The following CCNH variants were observed in gnomAD, a reference collection of about 807,000 sequenced individuals.
CCNH encodes the protein cyclin H, also known as cyclin-H.
A neutral mutation model predicts 41.9 loss-of-function variants in CCNH; 31 were observed. The ratio of observed to expected loss-of-function variants is 0.74; its 90% CI spans 0.56 to 1.00. The LOEUF (loss-of-function observed/expected upper bound fraction) is 1.00, where lower values mean the gene tolerates loss of function less well. Ranked by LOEUF, CCNH falls within the 50% of genes least tolerant of loss-of-function variation. The probability of loss-of-function intolerance (pLI) is 0.00; values close to 1 mark genes in which losing one functional copy is unlikely to be tolerated. For missense variants in CCNH, 362 were observed against 388.4 expected (o/e 0.93, Z 0.57); for synonymous variants, 138 against 136.1 (o/e 1.01, Z -0.10).
intron 9 of CCNH, among the ~76,000 whole-genome samples, chr5:87,325,204 C>T (rs145577516): frequency 1.3e-5 from 2 of 152,086 alleles, no homozygotes; most frequent in Non-Finnish European, 2.9e-5. Flanking sequence ...CATTAGATCT[C>T]GTGAGAACTC....
downstream of CCNH, among the ~76,000 whole-genome samples, chr5:87,318,043 G>C (rs542712020): frequency 3.4e-3 from 514 of 152,076 alleles, 2 homozygotes; most frequent in Admixed American, 4.8e-3. Flanking sequence ...GTTTTCTAAA[G>C]GATATTTAGA....
rs953589878 is a variant in CCNH at position 87,394,326 on chromosome 5, CA to C, written c.*119del. 5.8e-6 allele frequency: 8 copies of C among 1,383,598 alleles called. 1 individual carries two copies. In the Admixed American group the frequency reaches 1.1e-4, roughly 19 times the overall value. The allele number at this position is 1,383,598 out of a possible 1,614,324, so 85.7% of individuals were successfully genotyped here. Reference sequence around the variant, plus strand: ...AAGTTACTGTGAAAGGGAAAGAAAACAATAGAAAAGTTTTAATATATTTTAT... The same window carrying C: ...AAGTTACTGTGAAAGGGAAAGAAAACATAGAAAAGTTTTAATATATTTTAT... On this transcript the variant is annotated 3_prime_UTR_variant, in exon 9 of 9. Coordinates refer to ENST00000256897, the MANE Select transcript of CCNH (RefSeq NM_001239.4).
downstream of CCNH, among the ~76,000 whole-genome samples, chr5:87,387,883 TTTACTATA>T (rs1390261256): frequency 6.6e-6 from 1 of 152,170 alleles, no homozygotes; most frequent in East Asian, 1.9e-4. Context: ...GGAAAATATT[TTTACTATA>T]ATGTTTAAGG....
downstream of CCNH, among the ~76,000 whole-genome samples, chr5:87,386,498 T>C (rs1762069901): frequency 6.6e-6 from 1 of 152,086 alleles, no homozygotes; most frequent in South Asian, 2.1e-4. Flanking sequence ...ATAAACAATT[T>C]GTGTCTGCCA....
chr5:87,333,174 G>T (rs994131267), intron 9 of CCNH: 1 of 1,524,336 alleles, frequency 6.6e-7, no homozygotes, highest in Admixed American at 2.1e-5. Context: ...AGTTTCTAAT[G>T]TGAATTTTTA....
chr5:87,386,685 C>A, downstream of CCNH: 2 of 695,246 alleles, frequency 2.9e-6, no homozygotes, highest in South Asian at 3.1e-5. Context: ...AGTATTGCTA[C>A]ATGTATGGGT....
chr5:87,399,024 G>A (rs1414808503), intron 7 of CCNH, among the ~76,000 whole-genome samples: 1 of 150,832 alleles, frequency 6.6e-6, no homozygotes, highest in Non-Finnish European at 1.5e-5. Flanking sequence ...CTAGCTAACA[G>A]AAGTCTGGAA....
chr5:87,345,072 CAA>C (rs1402408400), intron 9 of CCNH, among the ~76,000 whole-genome samples: 1 of 152,032 alleles, frequency 6.6e-6, no homozygotes, highest in Non-Finnish European at 1.5e-5. Flanking sequence ...CTCTTGGGCT[CAA>C]GAGATCCTCC....
downstream of CCNH, chr5:87,372,105 T>C (rs755526925): frequency 6.2e-7 from 1 of 1,611,980 alleles, no homozygotes; most frequent in South Asian, 1.1e-5. Context: ...TGAAGTGCTG[T>C]TTTTCTTTGC....
chr5:87,344,460 T>C lies in CCNH; in HGVS notation c.*91-25563A>G, dbSNP rs187387120. 3.8e-3 allele frequency among the ~76,000 whole-genome samples: 583 copies of C among 152,254 alleles called. 2 individuals carry two copies. Among genetic ancestry groups the C allele is most frequent in the African/African-American group, 0.013 (548 of 41,548 alleles). Reference sequence around the variant, plus strand: ...TGTCGTTTACTACTCCTAGCACTTATCATCTGTAGTTTCCTAATCTCCAGC... The same window carrying C: ...TGTCGTTTACTACTCCTAGCACTTACCATCTGTAGTTTCCTAATCTCCAGC... On this transcript the variant is annotated intron_variant and NMD_transcript_variant, in intron 9 of 9. Coordinates refer to the CCNH transcript ENST00000645953.
intron 3 of CCNH, 69 bp from the exon 4 acceptor site, chr5:87,408,255 G>C: frequency 1.4e-6 from 1 of 699,130 alleles, no homozygotes; most frequent in South Asian, 2.2e-5. Flanking sequence ...TATACTTTGA[G>C]AAGTATCTAA....
At chr5:87,333,962 T>A (rs1247963486) in intron 9 of CCNH, among the ~76,000 whole-genome samples, 1 of 152,176 alleles carries the variant, frequency 6.6e-6, no homozygotes, top group African/African-American at 2.4e-5. Flanking sequence ...ATTACAAATT[T>A]ATGAATTTAG....
At chr5:87,328,731 AG>A (rs1297530063) in intron 9 of CCNH, among the ~76,000 whole-genome samples, 2 of 152,162 alleles carry the variant, frequency 1.3e-5, no homozygotes, top group East Asian at 3.9e-4. Flanking sequence ...ATCTCTCAGT[AG>A]GGTAAAATTT....
chr5:87,349,289 A>T, intron 9 of CCNH: 2 of 1,612,256 alleles, frequency 1.2e-6, no homozygotes, highest in Non-Finnish European at 1.7e-6. Context: ...TTCCGGACCA[A>T]TGAAAATATT....
At chr5:87,376,042 A>G (rs1472851901), downstream of CCNH, among the ~76,000 whole-genome samples, 2 of 152,148 alleles carry the variant, frequency 1.3e-5, no homozygotes, top group Non-Finnish European at 2.9e-5. Context: ...TTTCACCTCC[A>G]CAGGCTGAAT....
chr5:87,404,180 T>A (rs1316422897), intron 5 of CCNH, among the ~76,000 whole-genome samples: 1 of 152,224 alleles, frequency 6.6e-6, no homozygotes, highest in African/African-American at 2.4e-5. Context: ...AAGTGATGTC[T>A]GTAATCAGGA....
chr5:87,338,530 TA>T (rs1367687323), intron 9 of CCNH, among the ~76,000 whole-genome samples: 35 of 97,496 alleles, frequency 3.6e-4, no homozygotes, highest in East Asian at 1.1e-3. Flanking sequence ...TATATATATA[TA>T]TAAAATTTTT....
At chr5:87,389,354 A>G (rs185699184), downstream of CCNH, 12 of 1,612,278 alleles carry the variant, frequency 7.4e-6, no homozygotes, top group East Asian at 2.7e-4. Flanking sequence ...AAAAAAGAAG[A>G]TTTGTATTTC....
At position 87,349,237 on chromosome 5, in the gene CCNH, G is replaced by A. The variant is rs749102561; in HGVS notation, c.*91-30340C>T. On this transcript the variant is annotated intron_variant and NMD_transcript_variant, in intron 9 of 9. Transcript: ENST00000645953. ...AGTTGGTCAAGTCTGCAGTTTTCTT[G>A]TGAGGCCCTCAGATAATACTCCTGG... 3.7e-6 allele frequency: 6 copies of A among 1,611,916 alleles called. No individual in the cohort carries two copies. The highest frequency in any genetic ancestry group is 2.2e-5 in the East Asian group (1 of 44,748).
Sources: gnomAD v4.1 joint callset for allele counts (sites outside exome capture counted in the v4.1 genomes callset) on GRCh38, gnomAD v4.1.1 for gene constraint, MANE v1.5 for transcripts, NCBI Gene and HGNC (gene_info 2026-07-23, HGNC 2026-07-21) for gene names.